PIWIL3: variants seen among roughly 807,000 people sequenced by gnomAD.
PIWIL3 encodes piwi like RNA-mediated gene silencing 3, also known as piwi-like protein 3.
Under a neutral mutation model 109.7 loss-of-function variants are expected in PIWIL3, and 101 were observed. The observed-to-expected ratio is 0.92, with a 90% confidence interval of 0.78 to 1.09. The LOEUF (loss-of-function observed/expected upper bound fraction) is 1.09, where lower values mean the gene tolerates loss of function less well. PIWIL3 is among the 50% of genes least tolerant of loss of function. The pLI is 0.00. For missense variants in PIWIL3, 1,031 were observed against 1,072.6 expected (o/e 0.96, Z 0.54); for synonymous variants, 373 against 376.4 (o/e 0.99, Z 0.10).
intron 12 of PIWIL3, among the ~76,000 whole-genome samples, chr22:24,736,295 TGCA>T (rs1236864302): frequency 6.6e-6 from 1 of 152,242 alleles, no homozygotes; most frequent in Non-Finnish European, 1.5e-5. Flanking sequence ...TTCACACTGC[TGCA>T]GCAGAACTCT....
In PIWIL3 at chr22:24,767,381, AT is replaced by A. The variant is rs199766668; in HGVS notation, c.-22-4861del. On this transcript the variant is annotated intron_variant, in intron 1 of 20. Transcript: ENST00000616349. ...TGAAACCCCGTCTCTACTAAAAAAAATAAATAAATAAATAAATAAATTAGCC... is the reference window on the plus strand; with the variant it reads ...TGAAACCCCGTCTCTACTAAAAAAAAAAATAAATAAATAAATAAATTAGCC... Among the ~76,000 whole-genome samples, 172 of 146,870 alleles carry A rather than the reference AT, an allele frequency of 1.2e-3. 1 individual carries two copies. The highest frequency in any genetic ancestry group is 1.1e-3 in the African/African-American group (45 of 39,672).
chr22:24,749,064 A>G, intron 11 of PIWIL3, 43 bp from the exon 12 acceptor site: 1 of 1,466,310 alleles, frequency 6.8e-7, no homozygotes, highest in Non-Finnish European at 9.5e-7. Context: ...CCAAATAAGT[A>G]AAAGCAGCTA....
rs199837798 is a variant in PIWIL3, at chr22:24,749,534, C to T, written c.1217-13G>A. The T allele has an allele frequency of 6.2e-7, 1 of 1,612,514 alleles. No homozygotes were observed. The highest frequency in any genetic ancestry group is 8.5e-7 in the Non-Finnish European group (1 of 1,179,694). On this transcript the variant is annotated splice_polypyrimidine_tract_variant and intron_variant, in intron 10 of 20. Transcript: ENST00000616349. Reference sequence around the variant, plus strand: ...TCATCTGTTAGACCTTTAAAAAAATCCAAAAGATACAGCTGAACAAGCATG... The same window carrying T: ...TCATCTGTTAGACCTTTAAAAAAATTCAAAAGATACAGCTGAACAAGCATG...
At chr22:24,773,181 C>T (rs1375530112) in intron 1 of PIWIL3, among the ~76,000 whole-genome samples, 1 of 152,110 alleles carries the variant, frequency 6.6e-6, no homozygotes, top group Non-Finnish European at 1.5e-5. Context: ...ACACCGGATC[C>T]TAGGGTTTCT....
chr22:24,754,331 A>C, intron 7 of PIWIL3, 114 bp from the exon 8 acceptor site: 1 of 793,148 alleles, frequency 1.3e-6, no homozygotes, highest in East Asian at 2.7e-5. Context: ...TTAAGTATTT[A>C]TTCTTAGTCT....
intron 3 of PIWIL3, among the ~76,000 whole-genome samples, chr22:24,759,037 G>A (rs1925257502): frequency 3.3e-5 from 5 of 152,170 alleles, no homozygotes; most frequent in Admixed American, 1.3e-4. Context: ...GGGACTACAG[G>A]CGCATACCAC....
intron 13 of PIWIL3, 71 bp from the exon 14 acceptor site, chr22:24,734,227 T>G (rs1201329890): frequency 6.4e-7 from 1 of 1,564,312 alleles, no homozygotes; most frequent in African/African-American, 1.4e-5. Flanking sequence ...CCCAGCAAAT[T>G]AAATACAAAG....
intron 1 of PIWIL3, among the ~76,000 whole-genome samples, chr22:24,770,696 A>G (rs1926087200): frequency 6.7e-6 from 1 of 150,052 alleles, no homozygotes; most frequent in Non-Finnish European, 1.5e-5. Flanking sequence ...TTAGCCGGGC[A>G]TGGTGGCAGG....
rs554100699 is a variant in PIWIL3, at chr22:24,749,779, A to G, written c.1130T>C (p.Leu377Ser). The stretch of plus-strand genomic sequence containing the variant: ...CTTTTTCCATCTGCCCTGGCTGACC[A>G]AAAGTGGCTGTTTCTTCACTGTGAC... ...EIVTVKKQPL[L>S]VSQGRWKKGL... is the part of the protein sequence containing the mutation. The change falls in exon 10 of 21, where the codon TTG becomes TCG. Residue 377 changes from leucine (L) to serine (S), a missense_variant. Physicochemically the swap from Leu to Ser is moderately radical, Grantham distance 145. Transcript: ENST00000616349. The G allele has an allele frequency of 1.2e-6, 2 of 1,614,018 alleles. No homozygotes were observed. The highest frequency in any genetic ancestry group is 1.1e-5 in the South Asian group (1 of 91,084).
intron 19 of PIWIL3, among the ~76,000 whole-genome samples, chr22:24,720,310 C>T (rs554620165): frequency 1.6e-4 from 21 of 132,096 alleles, no homozygotes; most frequent in South Asian, 9.8e-4. Flanking sequence ...CTGGCTCTGT[C>T]GCCCAGGCTG....
chr22:24,729,235 C>A (rs185312782), intron 14 of PIWIL3, among the ~76,000 whole-genome samples: 1 of 152,046 alleles, frequency 6.6e-6, no homozygotes, highest in African/African-American at 2.4e-5. Context: ...GCAACCCTCT[C>A]GGGCCCCCTC....
chr22:24,725,745 C>T (rs1199987183), intron 16 of PIWIL3, among the ~76,000 whole-genome samples: 1 of 152,226 alleles, frequency 6.6e-6, no homozygotes, highest in Non-Finnish European at 1.5e-5. Context: ...ATTCACATTA[C>T]TACAAATTAA....
chr22:24,744,225 C>CA (rs1262442552), intron 12 of PIWIL3, among the ~76,000 whole-genome samples: 1 of 98,484 alleles, frequency 1.0e-5, no homozygotes, highest in East Asian at 3.3e-4. Flanking sequence ...CTGCTGCCTG[C>CA]AAAAAACACT....
intron 14 of PIWIL3, 138 bp downstream of exon 14, chr22:24,733,946 A>T (rs1923500778): frequency 2.5e-6 from 2 of 802,872 alleles, no homozygotes; most frequent in South Asian, 6.0e-5. Flanking sequence ...GAAAGTTTGT[A>T]TTCAGCTAAT....
intron 14 of PIWIL3, among the ~76,000 whole-genome samples, chr22:24,733,470 C>G (rs1433003032): frequency 6.6e-6 from 1 of 152,112 alleles, no homozygotes; most frequent in African/African-American, 2.4e-5. Context: ...GTAGGCAGAT[C>G]ACTGGAGGTC....
intron 3 of PIWIL3, among the ~76,000 whole-genome samples, chr22:24,758,512 A>G (rs1016602518): frequency 1.3e-5 from 2 of 152,248 alleles, no homozygotes; most frequent in African/African-American, 4.8e-5. Flanking sequence ...TAAGGTTCAT[A>G]TCGATGTAGC....
chr22:24,749,565 G>A lies in PIWIL3; in HGVS notation c.1217-44C>T, dbSNP rs374911416. 3.4e-4 allele frequency: 549 copies of A among 1,611,358 alleles called. 1 individual carries two copies. The highest frequency in any genetic ancestry group is 4.4e-4 in the Non-Finnish European group (524 of 1,178,912). On this transcript the variant is annotated intron_variant, in intron 10 of 20. Transcript: ENST00000616349. ...GATACAGCTGAACAAGCATGAATTT[G>A]AGTGAGGACTAAATTATAACAGCTG...
intron 12 of PIWIL3, among the ~76,000 whole-genome samples, chr22:24,736,288 A>T (rs1197508098): frequency 1.3e-5 from 2 of 152,194 alleles, no homozygotes; most frequent in Non-Finnish European, 2.9e-5. Context: ...CTCACTGTTC[A>T]CACTGCTGCA....
chr22:24,761,682 G>T (rs190378116), intron 2 of PIWIL3, among the ~76,000 whole-genome samples: 25 of 152,176 alleles, frequency 1.6e-4, no homozygotes, highest in African/African-American at 6.0e-4. Flanking sequence ...CCAGTGAGGG[G>T]CTGGACTATG....
Sources: allele counts gnomAD v4.1 joint callset (sites outside exome capture counted in the v4.1 genomes callset), GRCh38; gene constraint gnomAD v4.1.1; transcripts MANE v1.5; gene names NCBI Gene and HGNC (gene_info 2026-07-23, HGNC 2026-07-21).